The following RAVER1 variants were observed in gnomAD, a reference collection of about 807,000 sequenced individuals.
RAVER1 encodes ribonucleoprotein PTB-binding 1.
In RAVER1, 36 loss-of-function variants were observed where a neutral mutation model predicts 68.4. The observed-to-expected ratio is 0.53, with a 90% CI of 0.40 to 0.70. The LOEUF (loss-of-function observed/expected upper bound fraction) is 0.70, where lower values mean the gene tolerates loss of function less well. Ranked by LOEUF, RAVER1 falls within the 30% of genes least tolerant of loss-of-function variation. The pLI is 0.00. For missense variants in RAVER1, 933 were observed against 1,019.8 expected (o/e 0.91, Z 1.16); for synonymous variants, 469 against 472.7 (o/e 0.99, Z 0.10).
At chr19:10,319,783 TTATATTATATA>T (rs2040420214) in intron 9 of RAVER1, among the ~76,000 whole-genome samples, 2 of 140,414 alleles carry the variant, frequency 1.4e-5, no homozygotes, top group African/African-American at 5.1e-5. Flanking sequence ...AAATTATATT[TTATATTATATA>T]TGAAATATAT....
Position 10,322,253 on chromosome 19 carries a change from G to T in RAVER1, c.1173+392C>A. ...GTGCGTGTGTGTGTGTGCACACACT[G>T]AGGGGATAGACCTGGAGTTTTTTCC... On this transcript the variant is annotated intron_variant, in intron 6 of 12. Coordinates refer to ENST00000617231, the MANE Select transcript of RAVER1 (RefSeq NM_133452.3). The surrounding 1 kb of genome is among the most constrained non-coding windows in gnomAD (Gnocchi z 4.3). 1 of 236,658 alleles carries T rather than the reference G, an allele frequency of 4.2e-6. No homozygotes were observed. Among genetic ancestry groups the T allele is most frequent in the Non-Finnish European group, 8.1e-6 (1 of 122,762 alleles). 14.7% of individuals were successfully genotyped at this position (236,658 alleles called of 1,614,324 possible).
At position 10,323,361 on chromosome 19, in the gene RAVER1, C is replaced by A; in HGVS notation, c.948+14G>T. 6.2e-7 allele frequency: 1 copy of A among 1,606,070 alleles called. No individual in the cohort carries two copies. On this transcript the variant is annotated intron_variant, in intron 4 of 12. Transcript: ENST00000617231. The surrounding 1 kb of genome is among the most constrained non-coding windows in gnomAD (Gnocchi z 6.2). ...CCCATCCCCACCCCGCCACCTCTGC[C>A]CGCACAGGCTCACCGTGGCCTGGGC...
chr19:10,317,342 T>C lies in RAVER1; in HGVS notation c.*112A>G. On this transcript the variant is annotated 3_prime_UTR_variant, in exon 13 of 13. Coordinates refer to ENST00000617231, the MANE Select transcript of RAVER1 (RefSeq NM_133452.3). The surrounding 1 kb of genome is among the most constrained non-coding windows in gnomAD (Gnocchi z 4.3). ...ATTGGTCAGTAAAGTCTTTCAGAGA[T>C]TTTTCTATTACCGAAAGAGAGAAAA... 1.6e-6 allele frequency: 2 copies of C among 1,236,244 alleles called. No homozygotes were observed. The highest frequency in any genetic ancestry group is 1.3e-5 in the South Asian group (1 of 79,574). The allele number at this position is 1,236,244 out of a possible 1,614,324, so 76.6% of individuals were successfully genotyped here.
At position 10,328,986 on chromosome 19, in the gene RAVER1, TGGCCACACACAGCA is replaced by T; in HGVS notation, c.398_411del (p.Leu133GlnfsTer30). ...TGCTGTGTGAGGCTGGGGGGCAGGT[TGGCCACACACAGCA>T]GGGCATCCGTGGGCTGCAGCTGCAC... On this transcript the variant is annotated frameshift_variant, in exon 3 of 13. Coordinates refer to ENST00000617231, the MANE Select transcript of RAVER1 (RefSeq NM_133452.3). LOFTEE classifies it high-confidence loss of function. The surrounding 1 kb of genome is among the most constrained non-coding windows in gnomAD (Gnocchi z 4.4). The T allele has an allele frequency of 6.3e-7, 1 of 1,594,642 alleles. No individual in the cohort carries two copies. Among genetic ancestry groups the T allele is most frequent in the Non-Finnish European group, 8.6e-7 (1 of 1,167,986 alleles).
rs181517592 is a variant in RAVER1 at position 10,329,951 on chromosome 19, T to C, written c.286+509A>G. Among the ~76,000 whole-genome samples the C allele has an allele frequency of 8.7e-4, 132 of 152,042 alleles. 2 individuals are homozygous for C. The highest frequency in any genetic ancestry group is 6.6e-4 in the Admixed American group (10 of 15,248). ...CCTGGACCCACCCAGGTAGAAACCC[T>C]GTCTCTACTAAAAATACAAAAATTA... On this transcript the variant is annotated intron_variant, in intron 2 of 12. Transcript: ENST00000617231. This position sits in a 1 kb window ranked among gnomAD's most constrained non-coding sequence, Gnocchi z 4.6.
At chr19:10,330,139 G>C (rs1164574952) in intron 2 of RAVER1, among the ~76,000 whole-genome samples, 1 of 147,752 alleles carries the variant, frequency 6.8e-6, no homozygotes, top group African/African-American at 2.5e-5. Context: ...AAAAAAAAAA[G>C]ACCACACAAG....
chr19:10,324,844 C>A (rs2040463347), intron 3 of RAVER1, among the ~76,000 whole-genome samples: 1 of 152,166 alleles, frequency 6.6e-6, no homozygotes, highest in African/African-American at 2.4e-5. Context: ...AAGGTGGGCT[C>A]CTCGGAGGAC....
chr19:10,318,084 G>C, intron 11 of RAVER1, 145 bp downstream of exon 11: 1 of 669,026 alleles, frequency 1.5e-6, no homozygotes, highest in South Asian at 1.9e-5. Flanking sequence ...ACAATAGGCT[G>C]TTGCTACTCC....
rs537284810 is a variant in RAVER1 at position 10,321,182 on chromosome 19, C to T, written c.1339G>A (p.Gly447Arg). The change falls in exon 8 of 13, where the codon GGG (glycine) becomes AGG (arginine). Residue 447 changes from glycine (G) to arginine (R), a missense_variant. Physicochemically the swap from Gly to Arg is moderately radical, Grantham distance 125. This residue lies in a region of RAVER1 where 699 missense variants were observed against 731.1 expected (regional missense o/e 0.96). Transcript: ENST00000617231. ...PLLPSVLGPAGGDREALGLGP... is the reference protein window; with the variant it reads ...PLLPSVLGPARGDREALGLGP... The stretch of plus-strand genomic sequence containing the variant: ...AAGCCCAGGGCCTCCCGGTCACCCC[C>T]AGCAGGGCCAAGCACGGATGGCAGC... 24 of 1,288,924 alleles carry T rather than the reference C, an allele frequency of 1.9e-5. No homozygotes were observed. The highest frequency in any genetic ancestry group is 2.3e-5 in the Non-Finnish European group (23 of 1,015,554). 79.8% of individuals were successfully genotyped at this position (1,288,924 alleles called of 1,614,324 possible).
intron 3 of RAVER1, among the ~76,000 whole-genome samples, chr19:10,326,863 T>C (rs1295567093): frequency 6.7e-6 from 1 of 150,056 alleles, no homozygotes; most frequent in Non-Finnish European, 1.5e-5. Context: ...ACCTCCCAGG[T>C]ACAAGCGATT....
chr19:10,327,733 G>A (rs2040485040), intron 3 of RAVER1, among the ~76,000 whole-genome samples: 1 of 152,136 alleles, frequency 6.6e-6, no homozygotes, highest in Admixed American at 6.6e-5. Context: ...CTGCCTCTCA[G>A]GGTTGCTACA....
Position 10,323,120 on chromosome 19 carries a change from G to A in RAVER1, c.1078+25C>T, listed in dbSNP as rs1176776815. The A allele has an allele frequency of 4.5e-6, 7 of 1,547,776 alleles. No individual in the cohort carries two copies. In the East Asian group the frequency reaches 9.5e-5, roughly 21 times the overall value. On this transcript the variant is annotated intron_variant, in intron 5 of 12. Coordinates refer to ENST00000617231, the MANE Select transcript of RAVER1 (RefSeq NM_133452.3). The surrounding 1 kb of genome is among the most constrained non-coding windows in gnomAD (Gnocchi z 6.2). ...GCTGCAGCCCCTGTTCTGCACAGTG[G>A]GGCCCCTGTCCAGCCCCACCTTACC...
At position 10,318,263 on chromosome 19, in the gene RAVER1, A is replaced by G. The variant is rs1301961093; in HGVS notation, c.1955T>C (p.Leu652Pro). The G allele has an allele frequency of 6.2e-7, 1 of 1,604,944 alleles. No individual in the cohort carries two copies. The highest frequency in any genetic ancestry group is 1.7e-5 in the Admixed American group (1 of 58,878). ...GSPTSYFTSG[L>P]QAGLKQSHLS... is the part of the protein sequence containing the mutation. ...GTGGCTCTGCTTGAGGCCAGCCTGC[A>G]GGCCGCTGGTGAAGTAGGAAGTGGG... The change falls in exon 11 of 13, where the codon CTG becomes CCG. Residue 652 changes from leucine to proline, a missense_variant. Physicochemically the swap from Leu to Pro is moderately conservative, Grantham distance 98. Transcript: ENST00000617231.
At position 10,323,389 on chromosome 19, in the gene RAVER1, C is replaced by T. The variant is rs1424951877; in HGVS notation, c.934G>A (p.Ala312Thr). Residue 312 changes from alanine to threonine, a missense_variant, in exon 4 of 13, where the codon GCT becomes ACT. Transcript: ENST00000617231. This position sits in a 1 kb window ranked among gnomAD's most constrained non-coding sequence, Gnocchi z 6.2. ...PGRSMLAALI[A>T]AQATALNRGK... ...CACAGGCTCACCGTGGCCTGGGCAG[C>T]GATGAGAGCGGCCAGCATACTGCGG... 1.9e-6 allele frequency: 3 copies of T among 1,603,504 alleles called. No individual in the cohort carries two copies. Among genetic ancestry groups the T allele is most frequent in the Non-Finnish European group, 2.6e-6 (3 of 1,175,342 alleles).
At chr19:10,330,010 C>T (rs770756707) in intron 2 of RAVER1, among the ~76,000 whole-genome samples, 3 of 151,856 alleles carry the variant, frequency 2.0e-5, no homozygotes, top group Non-Finnish European at 4.4e-5. Flanking sequence ...GTAATCCCAG[C>T]TACTCGGGAG....
rs549318810 is a variant in RAVER1 at position 10,331,371 on chromosome 19, A to T, written c.220-845T>A. Among the ~76,000 whole-genome samples the T allele has an allele frequency of 1.0e-4, 13 of 130,044 alleles. No individual in the cohort carries two copies. In the South Asian group the frequency reaches 2.7e-3, roughly 27 times the overall value. 85.3% of individuals were successfully genotyped at this position (130,044 alleles called of 152,430 possible). A position where few individuals can be genotyped will look rare whatever the true frequency, so the allele number is the denominator to read the frequency against. ...GACTCCGTCTCAAAAAAAAAAAAAA[A>T]AAAAAAAAAAAATAACAACAACAAA... On this transcript the variant is annotated intron_variant, in intron 1 of 12. Coordinates refer to ENST00000617231, the MANE Select transcript of RAVER1 (RefSeq NM_133452.3).
At position 10,329,442 on chromosome 19, in the gene RAVER1, G is replaced by T. The variant is rs2040498464; in HGVS notation, c.287-331C>A. 6.6e-6 allele frequency among the ~76,000 whole-genome samples: 1 copy of T among 152,252 alleles called. No individual in the cohort carries two copies. Among genetic ancestry groups the T allele is most frequent in the Non-Finnish European group, 1.5e-5 (1 of 68,048 alleles). On this transcript the variant is annotated intron_variant, in intron 2 of 12. Transcript: ENST00000617231. This position sits in a 1 kb window ranked among gnomAD's most constrained non-coding sequence, Gnocchi z 4.6. Reference sequence around the variant, plus strand: ...TTAAGCCCATGCTCACTGGGGCCCAGATTTAAGCCCCAAGCCCCAGGTGGC... The same window carrying T: ...TTAAGCCCATGCTCACTGGGGCCCATATTTAAGCCCCAAGCCCCAGGTGGC...
rs980993375 is a variant in RAVER1, at chr19:10,328,950, C to A, written c.448G>T (p.Glu150Ter). The A allele has an allele frequency of 3.1e-6, 5 of 1,606,708 alleles. No individual in the cohort carries two copies. In the East Asian group the frequency reaches 8.9e-5, roughly 29 times the overall value. Residue 150 changes from glutamate (E) to a stop codon, truncating the protein, a stop_gained, in exon 3 of 13, where the codon GAG (glutamate) becomes TAG (stop). Coordinates refer to ENST00000617231, the MANE Select transcript of RAVER1 (RefSeq NM_133452.3). LOFTEE classifies it high-confidence loss of function. The surrounding 1 kb of genome is among the most constrained non-coding windows in gnomAD (Gnocchi z 4.4). ...AGGCTGCCGAAGGGCCGCACCAGCT[C>A]CTCGAACTGCTGCTGTGTGAGGCTG... ...PPSLTQQQFE[E>*]LVRPFGSLER...
Position 10,320,783 on chromosome 19 carries a change from C to A in RAVER1, c.1642G>T (p.Ala548Ser). 2 of 1,339,348 alleles carry A rather than the reference C, an allele frequency of 1.5e-6. No homozygotes were observed. The highest frequency in any genetic ancestry group is 1.9e-6 in the Non-Finnish European group (2 of 1,045,400). The allele number at this position is 1,339,348 out of a possible 1,614,324, so 83.0% of individuals were successfully genotyped here. A position where few individuals can be genotyped will look rare whatever the true frequency, so the allele number is the denominator to read the frequency against. The stretch of plus-strand genomic sequence containing the variant: ...CTGCTGCTGCTGCCACCTCCAGGGG[C>A]TGGGGGGTTAGTTGGGGGGCCCTCA... ...PAEGPPTNPPAPGGGSSSSKA... is the reference protein window; with the variant it reads ...PAEGPPTNPPSPGGGSSSSKA... Residue 548 changes from alanine (A) to serine (S), a missense_variant, in exon 9 of 13, where the codon GCC becomes TCC. Physicochemically the swap from Ala to Ser is moderately conservative, Grantham distance 99. Around this residue, in one of 3 missense-constraint regions of RAVER1, gnomAD observed 699 missense variants for 731.1 expected, o/e 0.96. Transcript: ENST00000617231.
Sources: gnomAD v4.1 joint callset for allele counts (sites outside exome capture counted in the v4.1 genomes callset) on GRCh38, gnomAD v4.1.1 for gene constraint, gnomAD v4.1.1 regional missense constraint, Gnocchi (gnomAD v3.1) non-coding constraint, MANE v1.5 for transcripts, NCBI Gene and HGNC (gene_info 2026-07-23, HGNC 2026-07-21) for gene names.